ANKRD28: variants seen among roughly 807,000 people sequenced by gnomAD.
ANKRD28 encodes ankyrin repeat domain 28.
Under a neutral mutation model 126.5 loss-of-function variants are expected in ANKRD28, and 44 were observed. The observed-to-expected ratio is 0.35, with a 90% CI of 0.27 to 0.45. ANKRD28 has a LOEUF of 0.45. Ranked by LOEUF, ANKRD28 falls within the 20% of genes least tolerant of loss-of-function variation. The pLI is 1.00. For missense variants in ANKRD28, 1,110 were observed against 1,316.6 expected, an observed-to-expected ratio of 0.84 and a Z score of 2.43; for synonymous variants, 442 against 468.5, an observed-to-expected ratio of 0.94 and a Z score of 0.73.
chr3:15,672,851 C>T (rs1279172605), intron 27 of ANKRD28, among the ~76,000 whole-genome samples: 3 of 152,244 alleles, frequency 2.0e-5, no homozygotes, highest in South Asian at 2.1e-4. Context: ...TCTCGGCTCA[C>T]TGCAACTTCT....
chr3:15,818,520 C>A (rs1232536497), intron 1 of ANKRD28, among the ~76,000 whole-genome samples: 1 of 152,140 alleles, frequency 6.6e-6, no homozygotes, highest in Non-Finnish European at 1.5e-5. Context: ...CACATCTAGT[C>A]CCAAGCATTT....
chr3:15,736,925 A>C, intron 5 of ANKRD28, 108 bp downstream of exon 5: 1 of 1,155,896 alleles, frequency 8.7e-7, no homozygotes, highest in Non-Finnish European at 1.2e-6. Flanking sequence ...AAAAATGAGA[A>C]AGATAAATAG....
intron 2 of ANKRD28, among the ~76,000 whole-genome samples, chr3:15,768,981 T>C (rs1312863882): frequency 6.6e-6 from 1 of 152,180 alleles, no homozygotes. Flanking sequence ...CATGCAAAGA[T>C]GTGTCCTAAT....
chr3:15,676,979 C>T lies in ANKRD28; in HGVS notation c.2868G>A (p.Leu956=). 1 of 1,612,436 alleles carries T rather than the reference C, an allele frequency of 6.2e-7. No homozygotes were observed. Among genetic ancestry groups the T allele is most frequent in the Non-Finnish European group, 8.5e-7 (1 of 1,178,932 alleles). ...RNLINATNAA[L]QTPLHVAARN... is the part of the protein sequence containing the mutation. Reference sequence around the variant, plus strand: ...TAGATACTGACAGTACTCACGTTTGCAAGGCTGCGTTGGTTGCATTGATGA... The same window carrying T: ...TAGATACTGACAGTACTCACGTTTGTAAGGCTGCGTTGGTTGCATTGATGA... Residue 956 remains leucine, a synonymous_variant, in exon 26 of 28, where the codon TTG becomes TTA. Transcript: ENST00000683139.
chr3:15,735,638 T>C lies in ANKRD28; in HGVS notation c.553-141A>G, dbSNP rs2074967181. 4 of 611,592 alleles carry C rather than the reference T, an allele frequency of 6.5e-6. No individual in the cohort carries two copies. In the South Asian group the frequency reaches 8.6e-5, roughly 13 times the overall value. The allele number at this position is 611,592 out of a possible 1,614,324, so 37.9% of individuals were successfully genotyped here. Reference sequence around the variant, plus strand: ...GAACAGAAGGAGCTAGACTAAATACTGAAGGTCATTTAACATAACAGGACA... The same window carrying C: ...GAACAGAAGGAGCTAGACTAAATACCGAAGGTCATTTAACATAACAGGACA... On this transcript the variant is annotated intron_variant, in intron 5 of 27. Coordinates refer to ENST00000683139, the MANE Select transcript of ANKRD28 (RefSeq NM_001349278.2).
In ANKRD28 at chr3:15,668,839, T is replaced by G. The variant is rs1207625906; in HGVS notation, c.*1431A>C. On this transcript the variant is annotated 3_prime_UTR_variant, in exon 28 of 28. Transcript: ENST00000683139. ...TTACAATGTCATAAAGTTTCCAGTT[T>G]CACAATACAAAAAGGATAAAATGAA... The G allele has an allele frequency of 6.6e-6, 1 of 152,628 alleles. No homozygotes were observed. The highest frequency in any genetic ancestry group is 2.4e-5 in the African/African-American group (1 of 41,458). 9.5% of individuals were successfully genotyped at this position (152,628 alleles called of 1,614,324 possible).
chr3:15,772,629 A>G (rs962462345), intron 2 of ANKRD28, among the ~76,000 whole-genome samples: 5 of 152,246 alleles, frequency 3.3e-5, no homozygotes, highest in Non-Finnish European at 7.3e-5. Context: ...GAAAGGTCAT[A>G]TAATCATCGC....
chr3:15,778,543 G>C lies in ANKRD28; in HGVS notation c.202-12231C>G, dbSNP rs1203234863. Among the ~76,000 whole-genome samples the C allele has an allele frequency of 5.3e-5, 8 of 152,268 alleles. No homozygotes were observed. In the East Asian group the frequency reaches 1.2e-3, roughly 22 times the overall value. ...CACCCTCCACTAGCAGAGAATGCCT[G>C]AGTTCTTACCATATGGCTCCCTCCA... On this transcript the variant is annotated intron_variant, in intron 2 of 27. Coordinates refer to ENST00000683139, the MANE Select transcript of ANKRD28 (RefSeq NM_001349278.2).
chr3:15,827,766 T>G (rs923066007), intron 1 of ANKRD28, among the ~76,000 whole-genome samples: 1 of 152,172 alleles, frequency 6.6e-6, no homozygotes. Flanking sequence ...AAAACTTTTA[T>G]GCAGAGAAGG....
chr3:15,813,047 CTTTTT>C (rs34610698), intron 1 of ANKRD28, among the ~76,000 whole-genome samples: 1 of 137,498 alleles, frequency 7.3e-6, no homozygotes, highest in Non-Finnish European at 1.6e-5. Flanking sequence ...TAATCACCTC[CTTTTT>C]TTTTTTTTTT....
rs566491086 is a variant in ANKRD28 at position 15,839,162 on chromosome 3, C to G, written c.27+20215G>C. On this transcript the variant is annotated intron_variant, in intron 1 of 27. Transcript: ENST00000399451. The surrounding 1 kb of genome is among the most constrained non-coding windows in gnomAD (Gnocchi z 4.3). ...ATCTTTTTGGGGTGATGAAAATACT[C>G]TAAAACTGGTTTGTAATGATGAGTG... 1.3e-5 allele frequency among the ~76,000 whole-genome samples: 2 copies of G among 152,154 alleles called. No individual in the cohort carries two copies. The highest frequency in any genetic ancestry group is 4.2e-4 in the South Asian group (2 of 4,814).
At chr3:15,770,342 GAA>G (rs35748933) in intron 2 of ANKRD28, among the ~76,000 whole-genome samples, 5,687 of 151,430 alleles carry the variant, frequency 0.038, 350 homozygotes, top group African/African-American at 0.13. Flanking sequence ...TAACTTTAAA[GAA>G]AAATCATAAA....
intron 19 of ANKRD28, 37 bp downstream of exon 19, chr3:15,686,185 C>T: frequency 6.3e-7 from 1 of 1,590,424 alleles, no homozygotes; most frequent in East Asian, 2.3e-5. Flanking sequence ...TCGAAATACG[C>T]CCTTCTGTGA....
At position 15,718,065 on chromosome 3, in the gene ANKRD28, A is replaced by G. The variant is rs570113651; in HGVS notation, c.996+2850T>C. Among the ~76,000 whole-genome samples the G allele has an allele frequency of 1.4e-4, 21 of 152,324 alleles. No individual in the cohort carries two copies. The South Asian group carries it at 2.9e-3, about 21-fold the overall frequency. On this transcript the variant is annotated intron_variant, in intron 8 of 27. Transcript: ENST00000683139. Reference sequence around the variant, plus strand: ...TGTAAAGTGTCCCCATAGTCAATCAATAACTTAATAACACCGATTTTACAA... The same window carrying G: ...TGTAAAGTGTCCCCATAGTCAATCAGTAACTTAATAACACCGATTTTACAA...
chr3:15,807,527 A>G (rs555143374), intron 1 of ANKRD28, among the ~76,000 whole-genome samples: 1 of 152,322 alleles, frequency 6.6e-6, no homozygotes, highest in Admixed American at 6.5e-5. Flanking sequence ...CTTAATTTTG[A>G]CCTGTTAAAA....
At chr3:15,709,917 A>G (rs2071993503) in intron 12 of ANKRD28, among the ~76,000 whole-genome samples, 181 bp from the exon 13 acceptor site, 1 of 152,208 alleles carries the variant, frequency 6.6e-6, no homozygotes, top group Admixed American at 6.5e-5. Context: ...AGAAAGTTAT[A>G]TACTTACATA....
At chr3:15,721,695 A>G (rs955488063) in intron 7 of ANKRD28, among the ~76,000 whole-genome samples, 6 of 152,208 alleles carry the variant, frequency 3.9e-5, no homozygotes, top group African/African-American at 1.4e-4. Flanking sequence ...TTTTATCACA[A>G]GTAAAAAGAG....
chr3:15,742,441 AGGTGAGG>A (rs1447670549), intron 4 of ANKRD28, among the ~76,000 whole-genome samples: 7 of 147,244 alleles, frequency 4.8e-5, no homozygotes, highest in Non-Finnish European at 1.0e-4. Context: ...CCCGTCTGGG[AGGTGAGG>A]AGCGTCTCTG....
intron 21 of ANKRD28, among the ~76,000 whole-genome samples, chr3:15,681,257 A>T (rs1332854416): frequency 2.0e-5 from 3 of 152,222 alleles, no homozygotes; most frequent in Admixed American, 6.5e-5. Flanking sequence ...GGGAATAATG[A>T]CAAAAAAAAA....
Sources: gnomAD v4.1 joint callset for allele counts (sites outside exome capture counted in the v4.1 genomes callset) on GRCh38, gnomAD v4.1.1 for gene constraint, Gnocchi (gnomAD v3.1) non-coding constraint, MANE v1.5 for transcripts, NCBI Gene and HGNC (gene_info 2026-07-23, HGNC 2026-07-21) for gene names.